CYRIB: variants seen among roughly 807,000 people sequenced by gnomAD.
CYRIB encodes CYFIP-related Rac1 interactor B.
CYRIB carries 8 observed loss-of-function variants against 44.2 expected under a neutral mutation model. That is an observed-to-expected ratio of 0.18 (90% confidence interval 0.11 to 0.33). The LOEUF (loss-of-function observed/expected upper bound fraction) is 0.33. CYRIB is among the 10% of genes least tolerant of loss of function. The pLI is 1.00. For synonymous variants in CYRIB, 131 were observed against 127.2 expected (o/e 1.03, Z -0.20); for missense variants, 185 against 382.8 (o/e 0.48, Z 4.31).
Position 129,924,743 on chromosome 8 carries a change from A to T in CYRIB, c.-50+14865T>A, listed in dbSNP as rs574222498. On this transcript the variant is annotated intron_variant, in intron 1 of 11. Coordinates refer to ENST00000519824, the Ensembl canonical transcript of CYRIB. ...ACAATCTGGGAGGCTGAGACAGAGG[A>T]TCACTTAATCCCAGGAGCTGGAGAC... is the stretch of plus-strand genomic sequence containing the variant. Among the ~76,000 whole-genome samples, 26 of 152,208 alleles carry T rather than the reference A, an allele frequency of 1.7e-4. No homozygotes were observed. In the South Asian group the frequency reaches 5.2e-3, roughly 30 times the overall value.
intron 2 of CYRIB, among the ~76,000 whole-genome samples, chr8:129,970,169 C>T (rs546294506): frequency 2.6e-5 from 4 of 152,092 alleles, no homozygotes; most frequent in East Asian, 3.9e-4. Flanking sequence ...TAAGATAGCT[C>T]GATTAAAATA....
chr8:129,911,818 CCTGGTTA>C (rs1213733491), intron 1 of CYRIB, among the ~76,000 whole-genome samples: 1 of 152,178 alleles, frequency 6.6e-6, no homozygotes, highest in East Asian at 1.9e-4. Context: ...TTCTGGATCT[CCTGGTTA>C]CTGTCAATAT....
At chr8:129,963,085 T>C (rs1235479033) in intron 2 of CYRIB, among the ~76,000 whole-genome samples, 1 of 152,208 alleles carries the variant, frequency 6.6e-6, no homozygotes, top group African/African-American at 2.4e-5. Flanking sequence ...CTAAGACTTG[T>C]TGAACTACTG....
At chr8:129,906,863 T>C (rs982348341) in intron 1 of CYRIB, among the ~76,000 whole-genome samples, 1 of 152,188 alleles carries the variant, frequency 6.6e-6, no homozygotes, top group African/African-American at 2.4e-5. Context: ...TCATCATCAC[T>C]GGCCATCAGA....
Position 129,862,222 on chromosome 8 carries a change from A to C in CYRIB, c.301+7T>G. 6.3e-7 allele frequency: 1 copy of C among 1,597,926 alleles called. No homozygotes were observed. Among genetic ancestry groups the C allele is most frequent in the Non-Finnish European group, 8.6e-7 (1 of 1,166,426 alleles). ...GGGAAGTCACAATTACAAAACTTTC[A>C]ACTTACCTAACCTCTGAGAAAATTC... On this transcript the variant is annotated splice_region_variant and intron_variant, in intron 5 of 11. Coordinates refer to ENST00000519824, the Ensembl canonical transcript of CYRIB.
intron 1 of CYRIB, among the ~76,000 whole-genome samples, chr8:129,919,759 A>G (rs1254285565): frequency 2.0e-5 from 3 of 152,198 alleles, no homozygotes; most frequent in Admixed American, 6.5e-5. Flanking sequence ...GAAAAGGAAA[A>G]TCTTCTCCTA....
chr8:129,862,302 T>C (rs199647121), exon 5 of CYRIB: 115 of 1,613,618 alleles, frequency 7.1e-5, no homozygotes, highest in Non-Finnish European at 8.7e-5. Context: ...ATGCCTTCTC[T>C]TGCAACTTCT....
chr8:129,857,008 G>A (rs780383702), intron 5 of CYRIB, among the ~76,000 whole-genome samples: 15 of 152,118 alleles, frequency 9.9e-5, no homozygotes, highest in Non-Finnish European at 1.5e-4. Context: ...ACAATAGTAG[G>A]TACTTCCTGT....
upstream of CYRIB, among the ~76,000 whole-genome samples, chr8:129,944,056 T>G (rs937257457): frequency 1.3e-5 from 2 of 151,860 alleles, no homozygotes; most frequent in Non-Finnish European, 2.9e-5. Context: ...AAGGACATCA[T>G]ACACCATACT....
rs553229110 is a variant in CYRIB at position 129,979,152 on chromosome 8, A to G, written c.-295-8157T>C. Among the ~76,000 whole-genome samples the G allele has an allele frequency of 3.9e-5, 6 of 152,096 alleles. 1 individual carries two copies. In the South Asian group the frequency reaches 1.2e-3, roughly 32 times the overall value. On this transcript the variant is annotated intron_variant, in intron 1 of 14. Transcript: ENST00000401979. ...CAAGACTCTGTCTCAAAATAAATAA[A>G]TAAATTAATTAATTAATTAAATAAA...
intron 1 of CYRIB, among the ~76,000 whole-genome samples, chr8:130,011,171 G>A (rs936946751): frequency 3.9e-5 from 6 of 152,114 alleles, no homozygotes; most frequent in Non-Finnish European, 8.8e-5. Context: ...GGGACTCCTG[G>A]CACACATTAC....
In CYRIB at chr8:129,955,044, A is replaced by G. The variant is rs145651030; in HGVS notation, c.-243+15899T>C. 4.9e-4 allele frequency among the ~76,000 whole-genome samples: 74 copies of G among 152,312 alleles called. No individual in the cohort carries two copies. The South Asian group carries it at 0.01, about 21-fold the overall frequency. On this transcript the variant is annotated intron_variant, in intron 2 of 14. Transcript: ENST00000401979. ...TGAGGCAGGCGGATCACTTGAGTTT[A>G]GGAGTTTGAAACTAGCCTGGCCAAC...
intron 1 of CYRIB, among the ~76,000 whole-genome samples, chr8:129,999,995 G>A (rs995741469): frequency 2.6e-5 from 4 of 152,128 alleles, no homozygotes; most frequent in Non-Finnish European, 4.4e-5. Context: ...TACTGTTACC[G>A]TGTCCCCCTT....
intron 1 of CYRIB, among the ~76,000 whole-genome samples, chr8:129,911,678 AAAAAACAAAAAT>A (rs923284170): frequency 2.0e-5 from 3 of 151,934 alleles, no homozygotes; most frequent in African/African-American, 7.2e-5. Flanking sequence ...GTGTGCAAAA[AAAAAACAAAAAT>A]AAAAACAAAC....
chr8:129,912,235 G>A (rs538351189), intron 1 of CYRIB: 3 of 152,014 alleles, frequency 2.0e-5, no homozygotes, highest in East Asian at 1.9e-4. Flanking sequence ...CCCCAGGTTC[G>A]ATTTCATAAA....
At chr8:129,999,686 G>A (rs1445662114) in intron 1 of CYRIB, among the ~76,000 whole-genome samples, 5 of 152,248 alleles carry the variant, frequency 3.3e-5, no homozygotes. Flanking sequence ...GGAGTGCAGT[G>A]GCACGATCAC....
chr8:129,871,628 TAAAGA>T, intron 3 of CYRIB, 132 bp from the exon 6 acceptor site: 2 of 867,708 alleles, frequency 2.3e-6, no homozygotes, highest in South Asian at 1.8e-5. Context: ...TTTGAACTTT[TAAAGA>T]AAAGACTAAT....
chr8:129,966,584 C>G (rs764341969), intron 2 of CYRIB, among the ~76,000 whole-genome samples: 14 of 152,184 alleles, frequency 9.2e-5, no homozygotes, highest in Non-Finnish European at 1.8e-4. Flanking sequence ...TAAAAAAGGC[C>G]AGGCGCAGTG....
chr8:130,000,610 T>C (rs2096886922), intron 1 of CYRIB, among the ~76,000 whole-genome samples: 3 of 152,114 alleles, frequency 2.0e-5, no homozygotes, highest in African/African-American at 7.2e-5. Flanking sequence ...TAGGATCACT[T>C]AAACCCAAGA....
Sources: allele counts gnomAD v4.1 joint callset (sites outside exome capture counted in the v4.1 genomes callset), GRCh38; gene constraint gnomAD v4.1.1; transcripts MANE v1.5; gene names NCBI Gene and HGNC (gene_info 2026-07-23, HGNC 2026-07-21).